Variants in ITGB2 observed in about 807,000 individuals in gnomAD.
ITGB2 encodes integrin beta-2.
A neutral mutation model predicts 86.8 loss-of-function variants in ITGB2; 56 were observed. That is an observed-to-expected ratio of 0.65 (90% confidence interval 0.52 to 0.81). The LOEUF is 0.81. Among genes scored for constraint, ITGB2 ranks in the 30% least tolerant of loss-of-function variants. The pLI is 0.00. For synonymous variants in ITGB2, 457 were observed against 450.4 expected, an observed-to-expected ratio of 1.01 and a Z score of -0.19; for missense variants, 948 against 1,061.2, an observed-to-expected ratio of 0.89 and a Z score of 1.48.
intron 3 of ITGB2, among the ~76,000 whole-genome samples, chr21:44,908,544 CTCTA>C (rs749058984): frequency 1.8e-4 from 28 of 152,330 alleles, no homozygotes; most frequent in Non-Finnish European, 2.8e-4. Flanking sequence ...CCCACACTTG[CTCTA>C]TCTATCACAA....
chr21:44,887,874 G>T (rs2083721976), intron 14 of ITGB2, among the ~76,000 whole-genome samples: 1 of 152,238 alleles, frequency 6.6e-6, no homozygotes, highest in African/African-American at 2.4e-5. Context: ...CCTGCCTCGG[G>T]TCCCTTCCTG....
At position 44,890,158 on chromosome 21, in the gene ITGB2, G is replaced by C; in HGVS notation, c.1477C>G (p.Leu493Val). The C allele has an allele frequency of 6.2e-7, 1 of 1,613,338 alleles. No individual in the cohort carries two copies. Among genetic ancestry groups the C allele is most frequent in the Non-Finnish European group, 8.5e-7 (1 of 1,180,012 alleles). Residue 493 changes from leucine (L) to valine (V), a missense_variant, in exon 12 of 16, where the codon CTG becomes GTG. Leu to Val is a conservative substitution (Grantham distance 32). Transcript: ENST00000652462. ...CQTQGRSSQE[L>V]EGSCRKDNNS... ...TTGTCCTTCCGGCAGCTTCCTTCCA[G>C]CTCCTGGCTGCTCCGGCCCTGTGTC... is the stretch of plus-strand genomic sequence containing the variant.
chr21:44,907,681 C>T (rs1020136039), intron 3 of ITGB2, among the ~76,000 whole-genome samples: 4 of 152,240 alleles, frequency 2.6e-5, no homozygotes, highest in Non-Finnish European at 4.4e-5. Context: ...TCACTGGCCC[C>T]GAGCCTGCTG....
At chr21:44,896,079 G>A (rs1170635275) in intron 8 of ITGB2, among the ~76,000 whole-genome samples, 1 of 152,058 alleles carries the variant, frequency 6.6e-6, no homozygotes, top group Non-Finnish European at 1.5e-5. Flanking sequence ...CGCCTGCAGT[G>A]TGAGTGATCC....
In ITGB2 at chr21:44,898,533, C is replaced by T. The variant is rs1452313483; in HGVS notation, c.993+534G>A. Among the ~76,000 whole-genome samples, 6 of 152,356 alleles carry T rather than the reference C, an allele frequency of 3.9e-5. 1 individual carries two copies. In the South Asian group the frequency reaches 1.0e-3, roughly 26 times the overall value. On this transcript the variant is annotated intron_variant, in intron 8 of 15. Transcript: ENST00000652462. ...CCCCAACAGCACCTGAGCGTCTTGA[C>T]GCACTGACCTGCTCAGGCTGAACAC... is the stretch of plus-strand genomic sequence containing the variant.
At position 44,903,535 on chromosome 21, in the gene ITGB2, C is replaced by T; in HGVS notation, c.329G>A (p.Gly110Asp). 1.2e-6 allele frequency: 2 copies of T among 1,613,960 alleles called. No homozygotes were observed. The highest frequency in any genetic ancestry group is 1.7e-6 in the Non-Finnish European group (2 of 1,179,932). ...GGTCACGTTGAACGCTGCTGCCTGG[C>T]CTGCCGGTGGGGACAGAACAAAAGG... ...PQKVTLYLRP[G>D]QAAAFNVTFR... Residue 110 changes from glycine (G) to aspartate (D), a missense_variant and splice_region_variant, in exon 5 of 16, where the codon GGC becomes GAC. Gly to Asp is a moderately conservative substitution (Grantham distance 94, BLOSUM62 -1). Coordinates refer to ENST00000652462, the MANE Select transcript of ITGB2 (RefSeq NM_000211.5).
chr21:44,889,881 C>A, intron 12 of ITGB2, 97 bp downstream of exon 12: 1 of 1,539,316 alleles, frequency 6.5e-7, no homozygotes, highest in Non-Finnish European at 8.9e-7. Flanking sequence ...AGGATCCCCC[C>A]TTTCTGTTCC....
At chr21:44,914,786 A>T (rs976347187) in intron 1 of ITGB2, among the ~76,000 whole-genome samples, 23 of 152,168 alleles carry the variant, frequency 1.5e-4, no homozygotes, top group Non-Finnish European at 2.9e-4. Flanking sequence ...AAAATAAATT[A>T]GCCAGACATG....
Position 44,910,299 on chromosome 21 carries a change from G to T in ITGB2, c.132C>A (p.Thr44=), listed in dbSNP as rs2084110517. 1.9e-6 allele frequency: 3 copies of T among 1,613,986 alleles called. No individual in the cohort carries two copies. The highest frequency in any genetic ancestry group is 1.7e-5 in the Admixed American group (1 of 59,990). Residue 44 remains threonine, a synonymous_variant, in exon 3 of 16, where the codon ACC becomes ACA. Coordinates refer to ENST00000652462, the MANE Select transcript of ITGB2 (RefSeq NM_000211.5). ...RECIESGPGC[T]WCQKLNFTGP... Reference sequence around the variant, plus strand: ...AGGCACTTACCAGCTTCTGGCACCAGGTGCAGCCGGGCCCCGACTCGATGC... The same window carrying T: ...AGGCACTTACCAGCTTCTGGCACCATGTGCAGCCGGGCCCCGACTCGATGC...
intron 1 of ITGB2, among the ~76,000 whole-genome samples, chr21:44,918,216 C>T (rs1048973445): frequency 3.9e-5 from 6 of 152,242 alleles, no homozygotes; most frequent in Non-Finnish European, 5.9e-5. Context: ...CATTCTCCTC[C>T]GGGAACGGGA....
At chr21:44,917,561 A>G (rs1433913720) in intron 1 of ITGB2, among the ~76,000 whole-genome samples, 4 of 151,490 alleles carry the variant, frequency 2.6e-5, no homozygotes, top group African/African-American at 9.7e-5. Context: ...TGGCAGTGGG[A>G]CCTCCCTGCT....
At chr21:44,910,131 G>A (rs1295436963) in intron 3 of ITGB2, among the ~76,000 whole-genome samples, 153 bp downstream of exon 3, 2 of 152,194 alleles carry the variant, frequency 1.3e-5, no homozygotes, top group Non-Finnish European at 2.9e-5. Flanking sequence ...AGAACCTCAG[G>A]GGCCCCTTGA....
At chr21:44,902,876 T>C (rs1412986388) in intron 5 of ITGB2, among the ~76,000 whole-genome samples, 1 of 152,202 alleles carries the variant, frequency 6.6e-6, no homozygotes, top group Non-Finnish European at 1.5e-5. Context: ...AGTGCCGATG[T>C]GAGAAGCCAC....
rs2084108709 is a variant in ITGB2 at position 44,910,223 on chromosome 21, G to A, written c.147+61C>T. 1.1e-5 allele frequency: 18 copies of A among 1,587,128 alleles called. 1 individual carries two copies. In the South Asian group the frequency reaches 2.0e-4, roughly 18 times the overall value. ...TCCTCTGGGTGCCACTGGCTTCAGG[G>A]GCAGGAAAGGGCCCTCACCCAGGAG... On this transcript the variant is annotated intron_variant, in intron 3 of 15. Transcript: ENST00000652462.
chr21:44,886,496 G>C, intron 15 of ITGB2, 66 bp from the exon 16 acceptor site: 1 of 1,541,136 alleles, frequency 6.5e-7, no homozygotes, highest in Non-Finnish European at 9.0e-7. Flanking sequence ...CTTTCTCCCT[G>C]AGGACACTCC....
intron 2 of ITGB2, 144 bp from the exon 3 acceptor site, chr21:44,910,516 C>T: frequency 1.3e-6 from 2 of 1,525,446 alleles, no homozygotes; most frequent in Non-Finnish European, 1.8e-6. Context: ...CCACCACCCC[C>T]AGGTGCAAAG....
rs745761943 is a variant in ITGB2, at chr21:44,886,362, G to A, written c.*6C>T. On this transcript the variant is annotated 3_prime_UTR_variant, in exon 16 of 16. Coordinates refer to ENST00000652462, the MANE Select transcript of ITGB2 (RefSeq NM_000211.5). ...GTCCTGACGGCCTTGTCTTCACCAA[G>A]TGCTCCTAACTCTCAGCAAACTTGG... 31 of 1,613,830 alleles carry A rather than the reference G, an allele frequency of 1.9e-5. No individual in the cohort carries two copies. In the Admixed American group the frequency reaches 2.7e-4, roughly 14 times the overall value.
intron 1 of ITGB2, among the ~76,000 whole-genome samples, chr21:44,920,122 C>T (rs1380790329): frequency 6.6e-6 from 1 of 152,176 alleles, no homozygotes; most frequent in African/African-American, 2.4e-5. Context: ...GCTCGAGGGT[C>T]CCAGAGGAGC....
intron 4 of ITGB2, 133 bp downstream of exon 4, chr21:44,906,782 G>T: frequency 1.1e-6 from 1 of 905,632 alleles, no homozygotes; most frequent in South Asian, 1.4e-5. Context: ...GGGCTTCACT[G>T]GCCCACACAC....
Sources: allele counts gnomAD v4.1 joint callset (sites outside exome capture counted in the v4.1 genomes callset), GRCh38; gene constraint gnomAD v4.1.1; transcripts MANE v1.5; gene names NCBI Gene and HGNC (gene_info 2026-07-23, HGNC 2026-07-21).